HERC4: variants seen among roughly 807,000 people sequenced by gnomAD.
The protein encoded by HERC4 is HECT and RLD domain containing E3 ubiquitin protein ligase 4.
A neutral mutation model predicts 124.3 loss-of-function variants in HERC4; 28 were observed. That is an observed-to-expected ratio of 0.23 (90% CI 0.17 to 0.31). The LOEUF is 0.31. HERC4 is among the 10% of genes least tolerant of loss of function. The pLI, the probability that HERC4 is intolerant of heterozygous loss-of-function variation, is 1.00. For synonymous variants in HERC4, 407 were observed against 421.5 expected, an observed-to-expected ratio of 0.97 and a Z score of 0.42; for missense variants, 713 against 1,229.3, an observed-to-expected ratio of 0.58 and a Z score of 6.28.
At chr10:68,054,401 T>C (rs2040455177) in intron 3 of HERC4, among the ~76,000 whole-genome samples, 2 of 151,692 alleles carry the variant, frequency 1.3e-5, no homozygotes, top group Non-Finnish European at 1.5e-5. Flanking sequence ...TTGCCCAGGC[T>C]GGAGTGCAGT....
chr10:68,039,472 T>C (rs374123894), intron 4 of HERC4: 8 of 1,550,904 alleles, frequency 5.2e-6, no homozygotes, highest in South Asian at 2.4e-5. Context: ...TCGACACACA[T>C]GATTTTCGGG....
chr10:68,046,849 T>C (rs1171366441), intron 3 of HERC4, among the ~76,000 whole-genome samples: 3 of 152,024 alleles, frequency 2.0e-5, no homozygotes, highest in Non-Finnish European at 4.4e-5. Flanking sequence ...CACACATCTG[T>C]GGGGAGACAG....
intron 9 of HERC4, chr10:68,010,888 G>C (rs1224220596): frequency 4.2e-6 from 6 of 1,442,380 alleles, no homozygotes; most frequent in Non-Finnish European, 5.8e-6. Flanking sequence ...CTGGATGAAG[G>C]GTATTTTTTA....
chr10:67,959,043 C>T, intron 16 of HERC4: 1 of 1,304,180 alleles, frequency 7.7e-7, no homozygotes, highest in Admixed American at 2.3e-5. Flanking sequence ...GAATCTTTGG[C>T]TCTTCTATTA....
chr10:67,994,151 A>C (rs531832298), intron 9 of HERC4: 1 of 152,366 alleles, frequency 6.6e-6, no homozygotes, highest in Non-Finnish European at 1.5e-5. Context: ...TAAGGCCAAA[A>C]ACAAGTTTTA....
intron 19 of HERC4, among the ~76,000 whole-genome samples, chr10:67,945,322 C>A (rs2033240463): frequency 6.6e-6 from 1 of 152,144 alleles, no homozygotes; most frequent in South Asian, 2.1e-4. Context: ...AAGGAAAAAA[C>A]TTTTATCCTA....
At chr10:68,032,740 T>C (rs371975437) in intron 7 of HERC4, 38 bp downstream of exon 7, 14 of 998,860 alleles carry the variant, frequency 1.4e-5, no homozygotes, top group East Asian at 4.8e-5. Flanking sequence ...GAAAGAACTA[T>C]GATGAGTAAT....
At chr10:68,039,733 G>T in intron 4 of HERC4, 1 of 1,293,516 alleles carries the variant, frequency 7.7e-7, no homozygotes, top group Non-Finnish European at 9.8e-7. Context: ...ACAGAGTAAG[G>T]AATAAAAAAT....
At chr10:68,060,167 G>C (rs1233372464) in intron 3 of HERC4, among the ~76,000 whole-genome samples, 1 of 151,320 alleles carries the variant, frequency 6.6e-6, no homozygotes, top group East Asian at 1.9e-4. Flanking sequence ...GCATATAATG[G>C]AGGTTTACTG....
chr10:68,031,667 T>C (rs560584522), intron 7 of HERC4, among the ~76,000 whole-genome samples: 4 of 152,350 alleles, frequency 2.6e-5, no homozygotes, highest in Admixed American at 6.5e-5. Context: ...GTTCACTATA[T>C]TTGACAATAA....
At chr10:67,989,166 C>T (rs530586667) in intron 14 of HERC4, among the ~76,000 whole-genome samples, 1 of 152,100 alleles carries the variant, frequency 6.6e-6, no homozygotes, top group Admixed American at 6.5e-5. Flanking sequence ...TTGAAAATTA[C>T]AGTTTCAATT....
At chr10:67,990,027 TCAA>T (rs2036467995) in intron 14 of HERC4, among the ~76,000 whole-genome samples, 181 bp downstream of exon 14, 1 of 152,052 alleles carries the variant, frequency 6.6e-6, no homozygotes, top group African/African-American at 2.4e-5. Flanking sequence ...TGTTTTTCTT[TCAA>T]CAACTCCAAC....
chr10:68,005,658 G>C (rs2037498075), intron 9 of HERC4, among the ~76,000 whole-genome samples: 1 of 149,876 alleles, frequency 6.7e-6, no homozygotes, highest in African/African-American at 2.5e-5. Flanking sequence ...TTCTCTGGTG[G>C]TATGTTTTAA....
At chr10:68,042,396 C>T (rs929300002) in intron 4 of HERC4, among the ~76,000 whole-genome samples, 1 of 152,324 alleles carries the variant, frequency 6.6e-6, no homozygotes, top group South Asian at 2.1e-4. Context: ...AGGCCAAAGC[C>T]GGTGAATCCC....
At chr10:67,969,161 T>C (rs1465536689) in intron 15 of HERC4, among the ~76,000 whole-genome samples, 1 of 152,208 alleles carries the variant, frequency 6.6e-6, no homozygotes, top group African/African-American at 2.4e-5. Flanking sequence ...CTGAAAACTT[T>C]TCTTGAACCT....
chr10:68,008,246 T>C (rs998885903), intron 9 of HERC4, among the ~76,000 whole-genome samples: 1 of 152,190 alleles, frequency 6.6e-6, no homozygotes, highest in African/African-American at 2.4e-5. Context: ...CTGTGCTAGA[T>C]CACACCTGAC....
chr10:67,945,148 GAT>G (rs1455318921), intron 19 of HERC4, among the ~76,000 whole-genome samples: 2 of 152,134 alleles, frequency 1.3e-5, no homozygotes, highest in African/African-American at 4.8e-5. Flanking sequence ...ACTACTTCAA[GAT>G]ATTTAATAAT....
intron 3 of HERC4, among the ~76,000 whole-genome samples, chr10:68,061,694 T>G (rs2041024279): frequency 6.6e-6 from 1 of 150,816 alleles, no homozygotes; most frequent in Non-Finnish European, 1.5e-5. Context: ...GCCTGACCAA[T>G]ATGGTGAAAC....
At chr10:67,970,860 G>GAA (rs879292789) in intron 15 of HERC4, among the ~76,000 whole-genome samples, 5 of 148,254 alleles carry the variant, frequency 3.4e-5, no homozygotes, top group Admixed American at 6.7e-5. Flanking sequence ...TAAGAATCTA[G>GAA]AAAAAAAAAG....
Sources: allele counts gnomAD v4.1 joint callset (sites outside exome capture counted in the v4.1 genomes callset), GRCh38; gene constraint gnomAD v4.1.1; transcripts MANE v1.5; gene names NCBI Gene and HGNC (gene_info 2026-07-23, HGNC 2026-07-21).